The following ZNF804A variants were observed in gnomAD, a reference collection of about 807,000 sequenced individuals.
ZNF804A encodes zinc finger protein 804A.
In ZNF804A, 2 loss-of-function variants were observed where a neutral mutation model predicts 16.5. The observed-to-expected ratio is 0.12, with a 90% CI of 0.05 to 0.38. ZNF804A has a LOEUF of 0.38. Ranked by LOEUF, ZNF804A falls within the 10% of genes least tolerant of loss-of-function variation. ZNF804A has a pLI of 0.99. For synonymous variants in ZNF804A, 534 were observed against 489.6 expected (o/e 1.09, Z -1.20); for missense variants, 1,473 against 1,390.7 (o/e 1.06, Z -0.94).
At chr2:184,824,535 C>T (rs537819265) in intron 1 of ZNF804A, among the ~76,000 whole-genome samples, 1 of 151,808 alleles carries the variant, frequency 6.6e-6, no homozygotes, top group Non-Finnish European at 1.5e-5. Context: ...TTATAACGCT[C>T]TCTTACGTTT....
intron 1 of ZNF804A, among the ~76,000 whole-genome samples, chr2:184,820,320 A>G (rs1353694793): frequency 6.6e-6 from 1 of 152,176 alleles, no homozygotes; most frequent in Non-Finnish European, 1.5e-5. Context: ...CAAAAACCAC[A>G]TGATTATCTC....
chr2:184,826,947 T>G (rs1365348150), intron 1 of ZNF804A, among the ~76,000 whole-genome samples: 1 of 152,074 alleles, frequency 6.6e-6, no homozygotes, highest in Non-Finnish European at 1.5e-5. Context: ...TTTTATCATG[T>G]GTATTCTTTT....
intron 1 of ZNF804A, among the ~76,000 whole-genome samples, chr2:184,667,686 A>G (rs1195971366): frequency 6.6e-6 from 1 of 151,850 alleles, no homozygotes; most frequent in Admixed American, 6.6e-5. Flanking sequence ...CTTTTTTCCT[A>G]AGTTTTATTT....
intron 2 of ZNF804A, among the ~76,000 whole-genome samples, chr2:184,891,390 T>C (rs984864504): frequency 6.6e-6 from 1 of 152,188 alleles, no homozygotes; most frequent in Non-Finnish European, 1.5e-5. Context: ...CATTACATTA[T>C]ACCAATGTTG....
intron 1 of ZNF804A, among the ~76,000 whole-genome samples, chr2:184,758,366 T>A (rs1258186742): frequency 7.6e-6 from 1 of 131,376 alleles, no homozygotes; most frequent in Non-Finnish European, 1.5e-5. Flanking sequence ...TAACACTGAT[T>A]ATTTACAAGT....
chr2:184,635,729 A>G (rs887389790), intron 1 of ZNF804A, among the ~76,000 whole-genome samples: 1 of 152,134 alleles, frequency 6.6e-6, no homozygotes. Context: ...GAACTATCTC[A>G]CACATCGTGA....
At chr2:184,658,238 C>T (rs1049932536) in intron 1 of ZNF804A, among the ~76,000 whole-genome samples, 1 of 152,162 alleles carries the variant, frequency 6.6e-6, no homozygotes, top group Non-Finnish European at 1.5e-5. Flanking sequence ...AATCCCTGCA[C>T]TTTGGGAGGC....
At chr2:184,790,189 A>G (rs939336760) in intron 1 of ZNF804A, among the ~76,000 whole-genome samples, 1 of 151,284 alleles carries the variant, frequency 6.6e-6, no homozygotes, top group African/African-American at 2.4e-5. Context: ...CTGAGAAAAT[A>G]CTTGGTACAA....
chr2:184,921,220 T>G (rs2059924), intron 2 of ZNF804A, among the ~76,000 whole-genome samples: 84,748 of 151,926 alleles, frequency 0.56, 24,694 homozygotes, highest in East Asian at 0.84. Context: ...TATTCTTGTT[T>G]CAGAAAAATA....
At chr2:184,683,812 A>T (rs1195473992) in intron 1 of ZNF804A, among the ~76,000 whole-genome samples, 1 of 152,168 alleles carries the variant, frequency 6.6e-6, no homozygotes, top group Admixed American at 6.5e-5. Flanking sequence ...ATAGCAAAAA[A>T]TTCAATTTAT....
At chr2:184,627,349 G>T (rs752158695) in intron 1 of ZNF804A, among the ~76,000 whole-genome samples, 1 of 151,986 alleles carries the variant, frequency 6.6e-6, no homozygotes, top group Non-Finnish European at 1.5e-5. Flanking sequence ...CTAGAAAGAT[G>T]AATTTATATT....
rs566560409 is a variant in ZNF804A at position 184,748,308 on chromosome 2, A to G, written c.112-118061A>G. 8.0e-5 allele frequency among the ~76,000 whole-genome samples: 12 copies of G among 150,820 alleles called. No homozygotes were observed. The South Asian group carries it at 2.1e-3, about 26-fold the overall frequency. ...ATCTGTTTTTTTTTTTGACTTTTTA[A>G]TAATAGCCATTGTGACTGGCATGAG... On this transcript the variant is annotated intron_variant, in intron 1 of 3. Coordinates refer to ENST00000302277, the MANE Select transcript of ZNF804A (RefSeq NM_194250.2).
At chr2:184,709,068 C>T (rs1383099110) in intron 1 of ZNF804A, among the ~76,000 whole-genome samples, 2 of 152,142 alleles carry the variant, frequency 1.3e-5, no homozygotes, top group African/African-American at 4.8e-5. Flanking sequence ...GTTTCTATTA[C>T]TTCAGTGATT....
intron 1 of ZNF804A, among the ~76,000 whole-genome samples, chr2:184,827,032 A>G (rs1695178887): frequency 6.6e-6 from 1 of 151,938 alleles, no homozygotes; most frequent in Non-Finnish European, 1.5e-5. Flanking sequence ...TCAAAATTCA[A>G]TCAATTCACT....
chr2:184,904,716 C>T (rs1167065324), intron 2 of ZNF804A, among the ~76,000 whole-genome samples: 3 of 151,898 alleles, frequency 2.0e-5, no homozygotes, highest in Admixed American at 6.6e-5. Context: ...CTTGGTGCTA[C>T]TCCTGTTATA....
At chr2:184,893,005 G>A (rs544665863) in intron 2 of ZNF804A, among the ~76,000 whole-genome samples, 7 of 152,044 alleles carry the variant, frequency 4.6e-5, no homozygotes, top group East Asian at 1.9e-4. Context: ...ATAATATATC[G>A]TATTTTTCCA....
At chr2:184,924,152 T>C (rs368754568) in intron 2 of ZNF804A, among the ~76,000 whole-genome samples, 1 of 151,844 alleles carries the variant, frequency 6.6e-6, no homozygotes, top group South Asian at 2.1e-4. Context: ...GGATTGCTAC[T>C]AGTTCTTTAA....
At chr2:184,931,417 A>G (rs1685699463) in intron 2 of ZNF804A, among the ~76,000 whole-genome samples, 1 of 152,200 alleles carries the variant, frequency 6.6e-6, no homozygotes, top group Non-Finnish European at 1.5e-5. Context: ...TTGATTCTTG[A>G]ATTGGGTGCA....
chr2:184,749,897 T>A (rs1206123869), intron 1 of ZNF804A, among the ~76,000 whole-genome samples: 1 of 151,310 alleles, frequency 6.6e-6, no homozygotes, highest in African/African-American at 2.4e-5. Context: ...TTACAAAAGA[T>A]TTAAGATCCT....
Sources: gnomAD v4.1 joint callset for allele counts (sites outside exome capture counted in the v4.1 genomes callset) on GRCh38, gnomAD v4.1.1 for gene constraint, MANE v1.5 for transcripts, NCBI Gene and HGNC (gene_info 2026-07-23, HGNC 2026-07-21) for gene names.